Variants in PCDHA2 observed in about 807,000 individuals in gnomAD.
The protein encoded by PCDHA2 is protocadherin alpha 2.
PCDHA2 carries 58 observed loss-of-function variants against 66.0 expected under a neutral mutation model. The ratio of observed to expected loss-of-function variants is 0.88; its 90% CI spans 0.71 to 1.09. The LOEUF (loss-of-function observed/expected upper bound fraction) is 1.09, where lower values mean the gene tolerates loss of function less well. Ranked by LOEUF, PCDHA2 falls within the 50% of genes least tolerant of loss-of-function variation. PCDHA2 has a pLI of 0.00. For synonymous variants in PCDHA2, 634 were observed against 554.0 expected (o/e 1.14, Z -2.03); for missense variants, 1,267 against 1,242.3 (o/e 1.02, Z -0.30).
intron 1 of PCDHA2, chr5:140,812,557 A>G (rs1562235591): frequency 6.6e-6 from 1 of 151,502 alleles, no homozygotes; most frequent in Non-Finnish European, 1.5e-5. Context: ...TTGAGTTGTT[A>G]AGTTTTTTAT....
At position 140,801,692 on chromosome 5, in the gene PCDHA2, T is replaced by A. The variant is rs782155880; in HGVS notation, c.2388+4340T>A. On this transcript the variant is annotated intron_variant, in intron 1 of 3. Transcript: ENST00000526136. ...CATCAGATGCAGATATCGGAACAAATTCGTTGTTGACTTACAGTCTTGATT... is the reference window on the plus strand; with the variant it reads ...CATCAGATGCAGATATCGGAACAAAATCGTTGTTGACTTACAGTCTTGATT... 9.9e-6 allele frequency: 16 copies of A among 1,614,070 alleles called. No individual in the cohort carries two copies. In the South Asian group the frequency reaches 1.6e-4, roughly 17 times the overall value.
intron 1 of PCDHA2, chr5:140,856,004 T>C (rs782001586): frequency 6.5e-7 from 1 of 1,538,284 alleles, no homozygotes; most frequent in Non-Finnish European, 8.8e-7. Context: ...GTATGTGCGT[T>C]CTAGACCGCT....
At chr5:140,884,006 C>A in intron 1 of PCDHA2, 1 of 1,613,022 alleles carries the variant, frequency 6.2e-7, no homozygotes, top group Non-Finnish European at 8.5e-7. Context: ...AGTGAGCGAG[C>A]TGATGCCGCG....
At chr5:140,965,861 T>C (rs971753310) in intron 1 of PCDHA2, among the ~76,000 whole-genome samples, 3 of 152,192 alleles carry the variant, frequency 2.0e-5, no homozygotes, top group African/African-American at 7.2e-5. Flanking sequence ...ACACTGAAAA[T>C]AAGGGCCACT....
intron 1 of PCDHA2, chr5:140,801,820 A>G (rs369589944): frequency 6.2e-7 from 1 of 1,614,020 alleles, no homozygotes; most frequent in African/African-American, 1.3e-5. Flanking sequence ...ACTCCTAAGC[A>G]TTATTTACTA....
rs2150500833 is a variant in PCDHA2 at position 140,850,862 on chromosome 5, C to T, written c.2388+53510C>T. ...GATCTACAGAGCGAACGGGAGAACCCTCTGCTTCCTCAGATTCAACTGGGA... is the reference window on the plus strand; with the variant it reads ...GATCTACAGAGCGAACGGGAGAACCTTCTGCTTCCTCAGATTCAACTGGGA... On this transcript the variant is annotated intron_variant, in intron 1 of 3. Coordinates refer to ENST00000526136, the MANE Select transcript of PCDHA2 (RefSeq NM_018905.3). The T allele has an allele frequency of 1.9e-6, 3 of 1,592,842 alleles. 1 individual carries two copies. In the African/African-American group the frequency reaches 4.0e-5, roughly 21 times the overall value.
At chr5:140,935,676 A>G (rs1168512325) in intron 1 of PCDHA2, among the ~76,000 whole-genome samples, 1 of 152,166 alleles carries the variant, frequency 6.6e-6, no homozygotes, top group Non-Finnish European at 1.5e-5. Context: ...TATGTGAAAT[A>G]TTTACATGGC....
intron 1 of PCDHA2, chr5:140,804,316 A>G (rs1402979588): frequency 3.9e-5 from 6 of 152,094 alleles, no homozygotes; most frequent in African/African-American, 1.4e-4. Context: ...TTTATTTAAT[A>G]CTACTTTAAT....
At chr5:140,994,720 A>C (rs2097647295) in intron 3 of PCDHA2, among the ~76,000 whole-genome samples, 1 of 152,160 alleles carries the variant, frequency 6.6e-6, no homozygotes. Flanking sequence ...AAAATTTAAA[A>C]TACTGGGTAT....
At chr5:140,834,573 T>C (rs1773106478) in intron 1 of PCDHA2, 1 of 1,614,010 alleles carries the variant, frequency 6.2e-7, no homozygotes, top group South Asian at 1.1e-5. Context: ...GCCGCGCCTG[T>C]TCCGGGCGGT....
intron 1 of PCDHA2, among the ~76,000 whole-genome samples, chr5:140,873,896 G>T (rs111760299): frequency 6.6e-6 from 1 of 152,112 alleles, no homozygotes; most frequent in African/African-American, 2.4e-5. Context: ...CCTGACCTCA[G>T]GTGATCTGCC....
intron 1 of PCDHA2, chr5:140,877,450 A>G (rs1406485859): frequency 1.9e-6 from 3 of 1,613,636 alleles, no homozygotes; most frequent in Non-Finnish European, 2.5e-6. Flanking sequence ...GCCCGCGCTG[A>G]CGTCCACGGC....
At chr5:140,964,009 A>G (rs1435043905) in intron 1 of PCDHA2, among the ~76,000 whole-genome samples, 1 of 152,160 alleles carries the variant, frequency 6.6e-6, no homozygotes, top group Non-Finnish European at 1.5e-5. Context: ...CTACTTTTTA[A>G]TAGAGAGCTC....
chr5:140,870,107 T>C, intron 1 of PCDHA2: 1 of 1,613,786 alleles, frequency 6.2e-7, no homozygotes, highest in Admixed American at 1.7e-5. Flanking sequence ...CACTGTACAG[T>C]CTGGGTGGAA....
At chr5:140,876,921 C>T (rs1554169105) in intron 1 of PCDHA2, 13 of 1,613,926 alleles carry the variant, frequency 8.1e-6, no homozygotes, top group East Asian at 4.5e-5. Context: ...GGGACGCGGA[C>T]GCGCAGAAGA....
At chr5:140,806,264 T>G (rs782002938) in intron 1 of PCDHA2, among the ~76,000 whole-genome samples, 2 of 152,112 alleles carry the variant, frequency 1.3e-5, no homozygotes, top group Non-Finnish European at 2.9e-5. Context: ...AAGCAGGAAA[T>G]ATTCAGTTTG....
At chr5:140,907,647 G>A (rs1336039908) in intron 1 of PCDHA2, among the ~76,000 whole-genome samples, 1 of 152,192 alleles carries the variant, frequency 6.6e-6, no homozygotes, top group East Asian at 1.9e-4. Flanking sequence ...CTGGCAAATT[G>A]GGCACTCAGC....
At chr5:140,821,779 G>T in intron 1 of PCDHA2, 9 of 1,609,366 alleles carry the variant, frequency 5.6e-6, no homozygotes, top group Non-Finnish European at 7.6e-6. Flanking sequence ...GATTGAGATG[G>T]TATATTCCCG....
intron 1 of PCDHA2, chr5:140,967,070 A>C (rs781831975): frequency 6.2e-7 from 1 of 1,613,072 alleles, no homozygotes; most frequent in South Asian, 1.1e-5. Context: ...GCTCTTCGTC[A>C]ACGAGCGCAT....
Sources: gnomAD v4.1 joint callset for allele counts (sites outside exome capture counted in the v4.1 genomes callset) on GRCh38, gnomAD v4.1.1 for gene constraint, MANE v1.5 for transcripts, NCBI Gene and HGNC (gene_info 2026-07-23, HGNC 2026-07-21) for gene names.